The following AOPEP variants were observed in gnomAD, a reference collection of about 807,000 sequenced individuals.
AOPEP encodes the protein aminopeptidase O (putative), also known as aminopeptidase O.
In AOPEP, 77 loss-of-function variants were observed where a neutral mutation model predicts 98.1. That is an observed-to-expected ratio of 0.78 (90% confidence interval 0.65 to 0.95). The LOEUF is 0.95. Ranked by LOEUF, AOPEP falls within the 40% of genes least tolerant of loss-of-function variation. AOPEP has a pLI of 0.00. For missense variants in AOPEP, 1,024 were observed against 1,024.7 expected (o/e 1.00, Z 0.01); for synonymous variants, 346 against 365.3 (o/e 0.95, Z 0.60).
At chr9:94,868,427 G>A (rs1274710866) in intron 5 of AOPEP, among the ~76,000 whole-genome samples, 2 of 152,210 alleles carry the variant, frequency 1.3e-5, no homozygotes, top group Non-Finnish European at 1.5e-5. Context: ...CTCACTTTGA[G>A]TCTCACCGAA....
intron 1 of AOPEP, among the ~76,000 whole-genome samples, chr9:94,749,027 A>G (rs964392681): frequency 1.3e-5 from 2 of 152,248 alleles, no homozygotes; most frequent in African/African-American, 2.4e-5. Flanking sequence ...TAAGTTCTAC[A>G]TCTTTGAAGA....
At chr9:95,053,144 G>A (rs1190699988) in intron 13 of AOPEP, among the ~76,000 whole-genome samples, 1 of 152,110 alleles carries the variant, frequency 6.6e-6, no homozygotes, top group Non-Finnish European at 1.5e-5. Flanking sequence ...TCTTCATAAA[G>A]TAGATCTCTC....
At chr9:94,827,816 A>G (rs1375958431) in intron 5 of AOPEP, among the ~76,000 whole-genome samples, 1 of 152,222 alleles carries the variant, frequency 6.6e-6, no homozygotes, top group East Asian at 1.9e-4. Flanking sequence ...GTGCCTGTTC[A>G]TAAGCCAGAG....
intron 13 of AOPEP, among the ~76,000 whole-genome samples, chr9:95,033,998 T>G (rs969043458): frequency 5.9e-5 from 9 of 152,236 alleles, no homozygotes; most frequent in African/African-American, 2.2e-4. Flanking sequence ...CCCCTTGCTT[T>G]GCTGTCAGCT....
At position 94,847,796 on chromosome 9, in the gene AOPEP, T is replaced by C. The variant is rs569404035; in HGVS notation, c.1364+46794T>C. 7.9e-5 allele frequency among the ~76,000 whole-genome samples: 12 copies of C among 152,300 alleles called. No homozygotes were observed. The East Asian group carries it at 2.3e-3, about 29-fold the overall frequency. On this transcript the variant is annotated intron_variant, in intron 5 of 16. Transcript: ENST00000375315. ...CTTCTGTAGGCACTGTTGATATCTT[T>C]TAACAGATGAAGGAGGAGAGTCCAG... is the stretch of plus-strand genomic sequence containing the variant.
chr9:95,109,910 C>T, the AOPEP span, among the ~76,000 whole-genome samples: 1 of 152,296 alleles, frequency 6.6e-6, no homozygotes, highest in East Asian at 1.9e-4. Flanking sequence ...ACAAGAGGTA[C>T]GTATCATTCA....
In AOPEP at chr9:94,955,213, G is replaced by A. The variant is rs759914837; in HGVS notation, c.1698G>A (p.Ser566=). 21 of 1,613,412 alleles carry A rather than the reference G, an allele frequency of 1.3e-5. No individual in the cohort carries two copies. In the South Asian group the frequency reaches 1.8e-4, roughly 14 times the overall value. The change falls in exon 8 of 17, where the codon TCG becomes TCA. Residue 566 remains serine, a synonymous_variant. Transcript: ENST00000375315. The part of the protein sequence containing the change: ...SKDKTGHTSD[S]GASVIKHGLN... ...ACAAAACTGGCCACACAAGTGACTCGGGAGCATCTGTTATCAAGCATGGAC... is the reference window on the plus strand; with the variant it reads ...ACAAAACTGGCCACACAAGTGACTCAGGAGCATCTGTTATCAAGCATGGAC...
intron 3 of AOPEP, among the ~76,000 whole-genome samples, chr9:94,780,281 GATTA>G (rs1294314266): frequency 1.3e-5 from 2 of 152,132 alleles, no homozygotes; most frequent in Non-Finnish European, 2.9e-5. Context: ...TCTATTTGAA[GATTA>G]TTATCAAAAA....
chr9:95,023,660 C>T (rs1164411432), intron 13 of AOPEP, among the ~76,000 whole-genome samples: 1 of 152,126 alleles, frequency 6.6e-6, no homozygotes, highest in Non-Finnish European at 1.5e-5. Context: ...ATTCCAGAAA[C>T]CTTTCAACAA....
intron 14 of AOPEP, among the ~76,000 whole-genome samples, chr9:95,067,271 C>T (rs1193339591): frequency 2.0e-5 from 3 of 152,170 alleles, no homozygotes; most frequent in Non-Finnish European, 2.9e-5. Flanking sequence ...TGCGGAAGCA[C>T]GTTCCCAGGC....
intron 16 of AOPEP, chr9:95,085,132 G>T: frequency 2.4e-6 from 1 of 424,908 alleles, no homozygotes. Context: ...TAGCATAACA[G>T]GCGTGAAGGC....
the AOPEP span, chr9:95,110,203 G>A: frequency 1.0e-6 from 1 of 972,000 alleles, no homozygotes; most frequent in Non-Finnish European, 1.2e-6. Flanking sequence ...TAGAAGATGT[G>A]CCAATGTAGA....
intron 13 of AOPEP, among the ~76,000 whole-genome samples, chr9:95,024,175 G>T (rs980578957): frequency 1.3e-5 from 2 of 152,174 alleles, no homozygotes; most frequent in African/African-American, 4.8e-5. Flanking sequence ...ATCCAGGCAG[G>T]TTGTTGTTTT....
intron 13 of AOPEP, among the ~76,000 whole-genome samples, chr9:95,046,296 G>T (rs537122954): frequency 6.6e-6 from 1 of 152,264 alleles, no homozygotes; most frequent in African/African-American, 2.4e-5. Flanking sequence ...CAACTTAATC[G>T]GCAGTGGCTT....
chr9:95,117,200 A>G, the AOPEP span: 1 of 931,388 alleles, frequency 1.1e-6, no homozygotes, highest in Non-Finnish European at 1.7e-6. Context: ...GATCTTAGAA[A>G]TAACCAGTTC....
chr9:95,128,054 T>C, the AOPEP span, among the ~76,000 whole-genome samples: 1 of 152,218 alleles, frequency 6.6e-6, no homozygotes, highest in Non-Finnish European at 1.5e-5. Flanking sequence ...AAGAAAATAA[T>C]TTGGCAGGAC....
chr9:94,829,873 G>A (rs1257546783), intron 5 of AOPEP, among the ~76,000 whole-genome samples: 1 of 152,168 alleles, frequency 6.6e-6, no homozygotes, highest in African/African-American at 2.4e-5. Flanking sequence ...ACTACAGGTG[G>A]CCCAAGGGAG....
the AOPEP span, among the ~76,000 whole-genome samples, chr9:95,131,080 ATGT>A: frequency 2.0e-5 from 3 of 152,172 alleles, no homozygotes; most frequent in African/African-American, 7.2e-5. Flanking sequence ...TCTTTACCAG[ATGT>A]TGTTTATACA....
the AOPEP span, among the ~76,000 whole-genome samples, chr9:95,134,303 T>C: frequency 6.6e-6 from 1 of 152,262 alleles, no homozygotes; most frequent in Non-Finnish European, 1.5e-5. Context: ...ACTAAACAAG[T>C]TGAAGGCCTC....
Sources: gnomAD v4.1 joint callset for allele counts (sites outside exome capture counted in the v4.1 genomes callset) on GRCh38, gnomAD v4.1.1 for gene constraint, MANE v1.5 for transcripts, NCBI Gene and HGNC (gene_info 2026-07-23, HGNC 2026-07-21) for gene names.